DCC: variants seen among roughly 807,000 people sequenced by gnomAD.
The protein encoded by DCC is netrin receptor DCC.
Under a neutral mutation model 172.5 loss-of-function variants are expected in DCC, and 58 were observed. The observed-to-expected ratio is 0.34, with a 90% CI of 0.27 to 0.42. The LOEUF (loss-of-function observed/expected upper bound fraction) is 0.42. Ranked by LOEUF, DCC falls within the 10% of genes least tolerant of loss-of-function variation. The probability of loss-of-function intolerance (pLI) is 1.00; values close to 1 mark genes in which losing one functional copy is unlikely to be tolerated. For missense variants in DCC, 1,740 were observed against 1,791.0 expected, an observed-to-expected ratio of 0.97 and a Z score of 0.51; for synonymous variants, 709 against 644.5, an observed-to-expected ratio of 1.10 and a Z score of -1.52.
intron 1 of DCC, among the ~76,000 whole-genome samples, chr18:52,608,604 T>C (rs550830961): frequency 6.6e-6 from 1 of 152,270 alleles, no homozygotes; most frequent in African/African-American, 2.4e-5. Context: ...TACTTGTGGG[T>C]ACATAAGAAC....
chr18:53,369,595 G>A (rs1206008355), intron 15 of DCC, among the ~76,000 whole-genome samples: 1 of 151,772 alleles, frequency 6.6e-6, no homozygotes, highest in African/African-American at 2.4e-5. Context: ...ATTGGGCATT[G>A]TGTTTGCTGT....
chr18:53,457,129 G>T (rs2045492866), intron 23 of DCC, among the ~76,000 whole-genome samples: 1 of 152,190 alleles, frequency 6.6e-6, no homozygotes, highest in South Asian at 2.1e-4. Flanking sequence ...CAACTTCTTA[G>T]AACTTGTCTT....
At chr18:52,927,656 A>T (rs186876021) in intron 5 of DCC, among the ~76,000 whole-genome samples, 1 of 152,186 alleles carries the variant, frequency 6.6e-6, no homozygotes, top group East Asian at 1.9e-4. Flanking sequence ...CATCCAAAAA[A>T]TGCTCCACAT....
chr18:53,460,891 C>T (rs1004975625), intron 24 of DCC, among the ~76,000 whole-genome samples: 1 of 152,014 alleles, frequency 6.6e-6, no homozygotes, highest in Non-Finnish European at 1.5e-5. Flanking sequence ...GTTTACAGTC[C>T]CACCAACAGT....
At chr18:53,092,851 A>T (rs1354615918) in intron 7 of DCC, among the ~76,000 whole-genome samples, 1 of 152,088 alleles carries the variant, frequency 6.6e-6, no homozygotes, top group Admixed American at 6.5e-5. Flanking sequence ...TGTTAAGGAA[A>T]TGAATTTCTA....
chr18:52,625,246 G>A (rs1250661346), intron 1 of DCC, among the ~76,000 whole-genome samples: 1 of 152,120 alleles, frequency 6.6e-6, no homozygotes. Flanking sequence ...TGTAAATTTA[G>A]AGAAGAGAGA....
intron 14 of DCC, among the ~76,000 whole-genome samples, chr18:53,324,094 A>C (rs2057440693): frequency 6.6e-6 from 1 of 152,226 alleles, no homozygotes; most frequent in Admixed American, 6.5e-5. Context: ...ACTCTGGCTG[A>C]AGCATGCACA....
At chr18:52,685,387 A>G (rs1303100167) in intron 1 of DCC, among the ~76,000 whole-genome samples, 1 of 152,146 alleles carries the variant, frequency 6.6e-6, no homozygotes, top group Non-Finnish European at 1.5e-5. Context: ...GGGTGGAATG[A>G]CAGTCATATT....
chr18:52,669,876 A>AC, intron 1 of DCC, among the ~76,000 whole-genome samples: 1 of 151,932 alleles, frequency 6.6e-6, no homozygotes. Flanking sequence ...AAAACAAAAA[A>AC]CACAAAGTGT....
In DCC at chr18:53,088,426, A is replaced by G. The variant is rs544704397; in HGVS notation, c.1261+22260A>G. 2.0e-5 allele frequency among the ~76,000 whole-genome samples: 3 copies of G among 152,264 alleles called. No individual in the cohort carries two copies. In the East Asian group the frequency reaches 5.8e-4, roughly 29 times the overall value. On this transcript the variant is annotated intron_variant, in intron 7 of 28. Coordinates refer to ENST00000442544, the MANE Select transcript of DCC (RefSeq NM_005215.4). The stretch of plus-strand genomic sequence containing the variant: ...GTTTGTCTATTATTGGTGTATAAGA[A>G]TGCTTGTGATTTTTTCACATTGAGT...
chr18:52,981,544 G>C (rs146485797), intron 5 of DCC, among the ~76,000 whole-genome samples: 1,965 of 151,948 alleles, frequency 0.013, 52 homozygotes, highest in African/African-American at 0.046. Context: ...ATTGTCCTTT[G>C]AAAATTGGTC....
chr18:53,244,606 CT>C (rs1442014850), intron 12 of DCC, among the ~76,000 whole-genome samples: 1 of 152,084 alleles, frequency 6.6e-6, no homozygotes, highest in African/African-American at 2.4e-5. Flanking sequence ...CTGATGTTGG[CT>C]TTGTCGGGAA....
intron 5 of DCC, among the ~76,000 whole-genome samples, chr18:53,053,619 C>A (rs997590354): frequency 5.9e-5 from 9 of 152,102 alleles, no homozygotes; most frequent in Non-Finnish European, 8.8e-5. Flanking sequence ...TCATGCATGA[C>A]AGAAACATTT....
intron 5 of DCC, among the ~76,000 whole-genome samples, chr18:53,009,833 A>G (rs1228514949): frequency 3.9e-5 from 6 of 151,902 alleles, no homozygotes; most frequent in Non-Finnish European, 1.5e-5. Flanking sequence ...AGGCTAACTC[A>G]ATTGGAAAAC....
Position 53,388,678 on chromosome 18 carries a change from TGAAAA to T in DCC, c.2455+2544_2455+2548del, listed in dbSNP as rs1342953308. On this transcript the variant is annotated intron_variant, in intron 16 of 28. Coordinates refer to ENST00000442544, the MANE Select transcript of DCC (RefSeq NM_005215.4). ...CTTGAGCCTGGAGAAGGAAAGAAGA[TGAAAA>T]GAAGAAGACTAATAAAACACGCTGT... Among the ~76,000 whole-genome samples the T allele has an allele frequency of 5.3e-5, 8 of 152,342 alleles. 1 individual carries two copies. Among genetic ancestry groups the T allele is most frequent in the African/African-American group, 7.2e-5 (3 of 41,596 alleles).
chr18:52,920,639 C>CT (rs2040109498), intron 3 of DCC, among the ~76,000 whole-genome samples: 1 of 152,114 alleles, frequency 6.6e-6, no homozygotes, highest in African/African-American at 2.4e-5. Flanking sequence ...TCTCACAAAG[C>CT]TAAACAGTTT....
At chr18:53,107,417 T>G (rs1161541793) in intron 7 of DCC, among the ~76,000 whole-genome samples, 1 of 151,688 alleles carries the variant, frequency 6.6e-6, no homozygotes, top group African/African-American at 2.4e-5. Flanking sequence ...GAATTTCTGT[T>G]TGACAGTGAA....
At chr18:53,006,042 T>C (rs552591840) in intron 5 of DCC, among the ~76,000 whole-genome samples, 22 of 152,324 alleles carry the variant, frequency 1.4e-4, no homozygotes, top group African/African-American at 5.3e-4. Context: ...AGAACTCAGA[T>C]AGGATTATTT....
intron 2 of DCC, among the ~76,000 whole-genome samples, chr18:52,829,673 T>A (rs2038577464): frequency 6.6e-6 from 1 of 151,730 alleles, no homozygotes; most frequent in South Asian, 2.1e-4. Context: ...GAGATCTGTG[T>A]TCACATGCAT....
Sources: allele counts gnomAD v4.1 joint callset (sites outside exome capture counted in the v4.1 genomes callset), GRCh38; gene constraint gnomAD v4.1.1; transcripts MANE v1.5; gene names NCBI Gene and HGNC (gene_info 2026-07-23, HGNC 2026-07-21).